Variants in ENAH observed in about 807,000 individuals in gnomAD.
ENAH encodes ENAH actin regulator.
A neutral mutation model predicts 78.7 loss-of-function variants in ENAH; 23 were observed. That is an observed-to-expected ratio of 0.29 (90% CI 0.21 to 0.41). The LOEUF is 0.41. Among genes scored for constraint, ENAH ranks in the 10% least tolerant of loss-of-function variants. ENAH has a pLI of 1.00. For missense variants in ENAH, 544 were observed against 691.0 expected (o/e 0.79, Z 2.39); for synonymous variants, 226 against 241.0 (o/e 0.94, Z 0.58).
At chr1:225,499,968 T>C in intron 12 of ENAH, among the ~76,000 whole-genome samples, 1 of 152,220 alleles carries the variant, frequency 6.6e-6, no homozygotes, top group East Asian at 1.9e-4. Context: ...GATGCCCTGA[T>C]CCAAATTACT....
At chr1:225,546,692 T>C (rs2096615584) in intron 3 of ENAH, among the ~76,000 whole-genome samples, 1 of 152,192 alleles carries the variant, frequency 6.6e-6, no homozygotes, top group African/African-American at 2.4e-5. Context: ...GGAGGCCTAA[T>C]TCAGTAGCTC....
intron 1 of ENAH, among the ~76,000 whole-genome samples, chr1:225,601,406 T>C (rs2096930036): frequency 6.6e-6 from 1 of 151,776 alleles, no homozygotes. Flanking sequence ...TAGTCCCAGC[T>C]ACTTGGGAGG....
intron 1 of ENAH, among the ~76,000 whole-genome samples, chr1:225,622,486 G>A (rs1657167483): frequency 6.6e-6 from 1 of 152,170 alleles, no homozygotes; most frequent in African/African-American, 2.4e-5. Flanking sequence ...ATGTGTCTTA[G>A]TTGTTCCTGC....
chr1:225,508,486 T>C (rs188947370), intron 10 of ENAH: 3 of 152,384 alleles, frequency 2.0e-5, no homozygotes, highest in Non-Finnish European at 4.4e-5. Context: ...TAAATCCAAA[T>C]AGTCCCTCTT....
intron 1 of ENAH, among the ~76,000 whole-genome samples, chr1:225,634,237 T>C (rs1377961945): frequency 6.6e-6 from 1 of 152,226 alleles, no homozygotes; most frequent in Non-Finnish European, 1.5e-5. Flanking sequence ...GTAATAAAAG[T>C]AGGAAACGGC....
At chr1:225,580,160 G>A (rs1431206902) in intron 1 of ENAH, 2 of 151,676 alleles carry the variant, frequency 1.3e-5, no homozygotes, top group Non-Finnish European at 2.9e-5. Context: ...CATGCCCAGA[G>A]ACTTACCTCT....
intron 11 of ENAH, among the ~76,000 whole-genome samples, chr1:225,502,957 C>T (rs2096292534): frequency 1.3e-5 from 2 of 152,128 alleles, no homozygotes; most frequent in Non-Finnish European, 2.9e-5. Context: ...ATAATGAATA[C>T]CTCTGAAATT....
chr1:225,518,179 T>G (rs923676633), intron 5 of ENAH, among the ~76,000 whole-genome samples: 1 of 152,228 alleles, frequency 6.6e-6, no homozygotes, highest in East Asian at 1.9e-4. Context: ...GTAAATACAT[T>G]TTGAGATTCA....
At chr1:225,595,130 C>G (rs190323516) in intron 1 of ENAH, among the ~76,000 whole-genome samples, 1 of 152,024 alleles carries the variant, frequency 6.6e-6, no homozygotes, top group Admixed American at 6.5e-5. Context: ...GTCAGGAGTT[C>G]GAGACCAGCC....
chr1:225,609,582 A>T (rs1294797990), intron 1 of ENAH, among the ~76,000 whole-genome samples: 5 of 152,152 alleles, frequency 3.3e-5, no homozygotes, highest in African/African-American at 1.2e-4. Flanking sequence ...GGAAATTAAA[A>T]ACTACCAAAG....
intron 1 of ENAH, among the ~76,000 whole-genome samples, chr1:225,608,670 GC>G (rs764240670): frequency 6.6e-6 from 1 of 151,658 alleles, no homozygotes; most frequent in Non-Finnish European, 1.5e-5. Flanking sequence ...ACAAAAATTG[GC>G]CAGGTGTGAT....
At chr1:225,523,356 G>C (rs2096483891) in intron 4 of ENAH, among the ~76,000 whole-genome samples, 1 of 151,290 alleles carries the variant, frequency 6.6e-6, no homozygotes, top group Non-Finnish European at 1.5e-5. Context: ...AAGAATTATT[G>C]GTAACAGCAT....
intron 1 of ENAH, among the ~76,000 whole-genome samples, chr1:225,610,489 T>G (rs2096982366): frequency 6.6e-6 from 1 of 152,066 alleles, no homozygotes; most frequent in Non-Finnish European, 1.5e-5. Flanking sequence ...GAACGATAGG[T>G]CCCCAGTAAA....
chr1:225,638,225 G>GA (rs1045735648), intron 1 of ENAH, among the ~76,000 whole-genome samples: 18 of 151,876 alleles, frequency 1.2e-4, no homozygotes, highest in Admixed American at 7.9e-4. Context: ...CAAACACCTT[G>GA]AAAAAAAAGC....
intron 1 of ENAH, among the ~76,000 whole-genome samples, chr1:225,614,501 C>A (rs112308901): frequency 1.3e-5 from 2 of 152,328 alleles, no homozygotes; most frequent in African/African-American, 4.8e-5. Context: ...TGTGTTCTTG[C>A]TCATCCATCT....
At position 225,492,310 on chromosome 1, in the gene ENAH, CT is replaced by C. The variant is rs2150997475; in HGVS notation, c.*5464del. Reference sequence around the variant, plus strand: ...CCTGTTACCCAGGCTGATCTCAAAACTTCTGGCCTCAAGCAATCCTCCCGCC... The same window carrying C: ...CCTGTTACCCAGGCTGATCTCAAAACTCTGGCCTCAAGCAATCCTCCCGCC... On this transcript the variant is annotated 3_prime_UTR_variant, in exon 14 of 14. Coordinates refer to ENST00000366843, the MANE Select transcript of ENAH (RefSeq NM_018212.6). The C allele has an allele frequency of 6.6e-6, 1 of 152,196 alleles. No homozygotes were observed. The highest frequency in any genetic ancestry group is 2.4e-5 in the African/African-American group (1 of 41,512). 9.4% of individuals were successfully genotyped at this position (152,196 alleles called of 1,614,324 possible).
At chr1:225,604,008 A>G (rs1419288153) in intron 1 of ENAH, among the ~76,000 whole-genome samples, 2 of 152,234 alleles carry the variant, frequency 1.3e-5, no homozygotes, top group Non-Finnish European at 2.9e-5. Flanking sequence ...CTCATTCTAA[A>G]TCTTATTTAT....
intron 3 of ENAH, among the ~76,000 whole-genome samples, chr1:225,540,696 TAAAA>T (rs34233856): frequency 7.2e-6 from 1 of 139,650 alleles, no homozygotes; most frequent in Admixed American, 7.2e-5. Context: ...AACGTTTATT[TAAAA>T]AAAAAAAAAA....
intron 3 of ENAH, chr1:225,535,614 T>C: frequency 9.2e-7 from 1 of 1,089,330 alleles, no homozygotes; most frequent in Non-Finnish European, 1.3e-6. Flanking sequence ...CGGGGCCATC[T>C]GAAGAACTTC....
Sources: allele counts gnomAD v4.1 joint callset (sites outside exome capture counted in the v4.1 genomes callset), GRCh38; gene constraint gnomAD v4.1.1; transcripts MANE v1.5; gene names NCBI Gene and HGNC (gene_info 2026-07-23, HGNC 2026-07-21).